The following HTR4 variants were observed in gnomAD, a reference collection of about 807,000 sequenced individuals.
HTR4 encodes 5-hydroxytryptamine receptor 4.
In HTR4, 16 loss-of-function variants were observed where a neutral mutation model predicts 36.8. That is an observed-to-expected ratio of 0.43 (90% confidence interval 0.29 to 0.66). The LOEUF (loss-of-function observed/expected upper bound fraction) is 0.66, where lower values mean the gene tolerates loss of function less well. Among genes scored for constraint, HTR4 ranks in the 30% least tolerant of loss-of-function variants. The probability of loss-of-function intolerance (pLI) is 0.13; values close to 1 mark genes in which losing one functional copy is unlikely to be tolerated. For missense variants in HTR4, 438 were observed against 490.9 expected (o/e 0.89, Z 1.02); for synonymous variants, 189 against 185.1 (o/e 1.02, Z -0.17).
intron 5 of HTR4, among the ~76,000 whole-genome samples, chr5:148,462,431 C>G (rs959933222): frequency 1.3e-5 from 2 of 151,712 alleles, no homozygotes. Context: ...TGAAATTGAC[C>G]AATTCCTTGA....
intron 4 of HTR4, among the ~76,000 whole-genome samples, chr5:148,526,305 A>C (rs964148147): frequency 1.3e-5 from 2 of 152,204 alleles, no homozygotes; most frequent in Admixed American, 6.5e-5. Context: ...CTTTCATAGT[A>C]TACTTAAGTA....
chr5:148,602,196 G>A (rs561832290), intron 2 of HTR4, among the ~76,000 whole-genome samples: 61 of 152,212 alleles, frequency 4.0e-4, no homozygotes, highest in Non-Finnish European at 7.4e-4. Context: ...GGTAAAGGTC[G>A]TGTCTATGGC....
At chr5:148,504,546 G>T (rs1190914899) in intron 6 of HTR4, among the ~76,000 whole-genome samples, 1 of 152,172 alleles carries the variant, frequency 6.6e-6, no homozygotes, top group Non-Finnish European at 1.5e-5. Flanking sequence ...AAGCAGGAAA[G>T]ATCTAAAATT....
At chr5:148,495,695 T>C (rs1031348198) in intron 6 of HTR4, among the ~76,000 whole-genome samples, 2 of 152,232 alleles carry the variant, frequency 1.3e-5, no homozygotes, top group African/African-American at 4.8e-5. Context: ...AGTCATACCA[T>C]GTCTTCCAAG....
chr5:148,525,686 T>G (rs1408970611), intron 4 of HTR4, among the ~76,000 whole-genome samples: 1 of 152,118 alleles, frequency 6.6e-6, no homozygotes, highest in Non-Finnish European at 1.5e-5. Context: ...ACTCCTTAGC[T>G]CTCTCTTTAA....
At chr5:148,627,929 G>A (rs890187119) in intron 2 of HTR4, among the ~76,000 whole-genome samples, 2 of 152,180 alleles carry the variant, frequency 1.3e-5, no homozygotes, top group African/African-American at 4.8e-5. Flanking sequence ...TGATAAGGTG[G>A]AAAGCCCTCC....
chr5:148,458,821 G>C (rs1482817740), intron 5 of HTR4, among the ~76,000 whole-genome samples: 1 of 152,186 alleles, frequency 6.6e-6, no homozygotes, highest in Non-Finnish European at 1.5e-5. Context: ...TGGCAGCCAA[G>C]TTCATGAGCA....
At chr5:148,481,429 A>G (rs1430118712), downstream of HTR4, 9 of 780,530 alleles carry the variant, frequency 1.2e-5, no homozygotes, top group Non-Finnish European at 1.9e-5. Flanking sequence ...GCATGGAGAG[A>G]TATTTCTCAC....
At chr5:148,506,534 A>C (rs1327226604) in intron 6 of HTR4, among the ~76,000 whole-genome samples, 1 of 152,208 alleles carries the variant, frequency 6.6e-6, no homozygotes, top group Non-Finnish European at 1.5e-5. Flanking sequence ...GGATCTAATT[A>C]AACTAAAGAG....
downstream of HTR4, chr5:148,481,407 A>G (rs1755875658): frequency 1.4e-6 from 1 of 689,720 alleles, no homozygotes; most frequent in Admixed American, 2.8e-5. Flanking sequence ...AGTCTACACA[A>G]AGAGCATTTC....
chr5:148,592,785 C>A (rs568990888), intron 2 of HTR4, among the ~76,000 whole-genome samples: 1 of 152,028 alleles, frequency 6.6e-6, no homozygotes, highest in East Asian at 1.9e-4. Flanking sequence ...TTCCTCTGTG[C>A]CCTATGTCCT....
intron 6 of HTR4, among the ~76,000 whole-genome samples, chr5:148,491,205 C>T (rs1012409689): frequency 2.6e-5 from 4 of 152,164 alleles, no homozygotes; most frequent in African/African-American, 9.7e-5. Context: ...GAACAAGCTC[C>T]TAGAGCCTGC....
At chr5:148,472,078 C>T (rs1017137129), downstream of HTR4, among the ~76,000 whole-genome samples, 3 of 152,152 alleles carry the variant, frequency 2.0e-5, no homozygotes, top group African/African-American at 7.2e-5. Context: ...GTCTGCAAAC[C>T]GGTCTGGAAG....
intron 2 of HTR4, among the ~76,000 whole-genome samples, chr5:148,635,147 T>C (rs1753486146): frequency 6.6e-6 from 1 of 152,146 alleles, no homozygotes; most frequent in Admixed American, 6.6e-5. Flanking sequence ...ATATTATTAC[T>C]CATCCTAAGG....
At chr5:148,472,669 G>A (rs75754718), downstream of HTR4, among the ~76,000 whole-genome samples, 9 of 152,256 alleles carry the variant, frequency 5.9e-5, no homozygotes, top group East Asian at 9.7e-4. Flanking sequence ...TCATAGACAA[G>A]GTAGTCAATG....
intron 1 of HTR4, among the ~76,000 whole-genome samples, chr5:148,653,744 A>G (rs950918679): frequency 6.6e-6 from 1 of 152,206 alleles, no homozygotes; most frequent in Non-Finnish European, 1.5e-5. Flanking sequence ...ACACACGCAC[A>G]CACACAAATC....
chr5:148,497,757 A>T (rs1227122744), intron 6 of HTR4, among the ~76,000 whole-genome samples: 1 of 152,228 alleles, frequency 6.6e-6, no homozygotes, highest in African/African-American at 2.4e-5. Context: ...TGAGAATCTG[A>T]GTTTGCACAT....
At chr5:148,596,820 T>A (rs1189382660) in intron 2 of HTR4, among the ~76,000 whole-genome samples, 1 of 152,164 alleles carries the variant, frequency 6.6e-6, no homozygotes, top group African/African-American at 2.4e-5. Context: ...TACTGAACAT[T>A]GACTCTATGA....
Position 148,510,001 on chromosome 5 carries a change from C to G in HTR4, c.531G>C (p.Gln177His), listed in dbSNP as rs200658605. ...AGACACAGTACGTAGAGTTAGAGTT[C>G]TGGTTGAACTTCCTCTTTTCTATCT... ...IDLIEKRKFNQNSNSTYCVFM... is the reference protein window; with the variant it reads ...IDLIEKRKFNHNSNSTYCVFM... The change falls in exon 6 of 7, where the codon CAG becomes CAC. Residue 177 changes from glutamine to histidine, a missense_variant. Transcript: ENST00000377888. 9 of 1,611,712 alleles carry G rather than the reference C, an allele frequency of 5.6e-6. No individual in the cohort carries two copies. Among genetic ancestry groups the G allele is most frequent in the Non-Finnish European group, 7.6e-6 (9 of 1,178,814 alleles).
Sources: allele counts gnomAD v4.1 joint callset (sites outside exome capture counted in the v4.1 genomes callset), GRCh38; gene constraint gnomAD v4.1.1; transcripts MANE v1.5; gene names NCBI Gene and HGNC (gene_info 2026-07-23, HGNC 2026-07-21).